ANKS1B: variants seen among roughly 807,000 people sequenced by gnomAD.
ANKS1B encodes the protein ankyrin repeat and sterile alpha motif domain-containing protein 1B.
Under a neutral mutation model 148.3 loss-of-function variants are expected in ANKS1B, and 36 were observed. That is an observed-to-expected ratio of 0.24 (90% CI 0.19 to 0.32). ANKS1B has a LOEUF of 0.32. ANKS1B is among the 10% of genes least tolerant of loss of function. The pLI is 1.00. For missense variants in ANKS1B, 1,157 were observed against 1,542.6 expected, an observed-to-expected ratio of 0.75 and a Z score of 4.19; for synonymous variants, 542 against 560.8, an observed-to-expected ratio of 0.97 and a Z score of 0.47.
At chr12:98,768,729 A>G (rs1168511843) in intron 25 of ANKS1B, among the ~76,000 whole-genome samples, 6 of 135,410 alleles carry the variant, frequency 4.4e-5, no homozygotes, top group East Asian at 2.1e-4. Context: ...GCGAGACTCC[A>G]TCTCAAAAAA....
rs76122504 is a variant in ANKS1B at position 99,904,745 on chromosome 12, A to C, written c.135-79356T>G. Among the ~76,000 whole-genome samples, 483 of 152,296 alleles carry C rather than the reference A, an allele frequency of 3.2e-3. 5 individuals are homozygous for C. Among genetic ancestry groups the C allele is most frequent in the African/African-American group, 0.011 (451 of 41,548 alleles). On this transcript the variant is annotated intron_variant, in intron 1 of 26. Transcript: ENST00000683438. ...CTCTGATTGAGTTGATCTGAGGTGGAATCTGGGACTCCATTTTTTTAAATG... is the reference window on the plus strand; with the variant it reads ...CTCTGATTGAGTTGATCTGAGGTGGCATCTGGGACTCCATTTTTTTAAATG...
At position 99,457,360 on chromosome 12, in the gene ANKS1B, C is replaced by T. The variant is rs1215935149; in HGVS notation, c.1439-13551G>A. Among the ~76,000 whole-genome samples, 2 of 150,846 alleles carry T rather than the reference C, an allele frequency of 1.3e-5. 1 individual carries two copies. The highest frequency in any genetic ancestry group is 3.0e-5 in the Non-Finnish European group (2 of 67,706). ...TCACAGGACCTATAAAACAACAACA[C>T]TATGAAAAAAAAACCAAGGTATTCA... On this transcript the variant is annotated intron_variant, in intron 10 of 26. Transcript: ENST00000683438.
chr12:99,602,769 T>C (rs941654397), intron 9 of ANKS1B, among the ~76,000 whole-genome samples: 3 of 152,072 alleles, frequency 2.0e-5, no homozygotes, highest in Non-Finnish European at 4.4e-5. Flanking sequence ...GGAGAAAAAT[T>C]AAAAATATTA....
At chr12:99,535,019 A>C (rs1446820315) in intron 9 of ANKS1B, among the ~76,000 whole-genome samples, 3 of 152,074 alleles carry the variant, frequency 2.0e-5, no homozygotes, top group Non-Finnish European at 4.4e-5. Context: ...CTTTTTAAAA[A>C]ATTAACGTGA....
rs117789079 is a variant in ANKS1B at position 99,282,900 on chromosome 12, C to T, written c.1757-36036G>A. ...TGAATACAACAGCTGCAGAGAGACT[C>T]AGGTTAGGAATATAAACTTTGGAGT... On this transcript the variant is annotated intron_variant, in intron 12 of 26. Coordinates refer to ENST00000683438, the MANE Select transcript of ANKS1B (RefSeq NM_001352186.2). 5.9e-4 allele frequency among the ~76,000 whole-genome samples: 89 copies of T among 152,132 alleles called. 1 individual carries two copies. The East Asian group carries it at 0.015, about 25-fold the overall frequency.
At chr12:99,634,519 G>A (rs986612022) in intron 9 of ANKS1B, among the ~76,000 whole-genome samples, 14 of 152,054 alleles carry the variant, frequency 9.2e-5, no homozygotes, top group African/African-American at 2.7e-4. Context: ...TCTATTTAAT[G>A]CATAAAAAGA....
intron 11 of ANKS1B, among the ~76,000 whole-genome samples, chr12:99,418,679 G>A: frequency 6.6e-6 from 1 of 152,138 alleles, no homozygotes; most frequent in East Asian, 1.9e-4. Context: ...CCAGCACTAT[G>A]TTGAGTGACA....
intron 14 of ANKS1B, 164 bp from the exon 15 acceptor site, chr12:99,154,559 CAA>C (rs1212758925): frequency 3.2e-5 from 50 of 1,544,422 alleles, no homozygotes; most frequent in East Asian, 4.6e-5. Flanking sequence ...AGCGAGAGAG[CAA>C]AGTCAGAAGT....
intron 12 of ANKS1B, among the ~76,000 whole-genome samples, chr12:99,348,831 C>T (rs2091067856): frequency 6.6e-6 from 1 of 151,870 alleles, no homozygotes; most frequent in African/African-American, 2.4e-5. Context: ...CACTAGACAA[C>T]AACTTGCAGC....
chr12:99,831,831 A>G (rs2084060505), intron 1 of ANKS1B, among the ~76,000 whole-genome samples: 1 of 152,194 alleles, frequency 6.6e-6, no homozygotes, highest in Non-Finnish European at 1.5e-5. Context: ...ATGGCTCAAT[A>G]TATGTGACAG....
intron 10 of ANKS1B, among the ~76,000 whole-genome samples, chr12:99,500,371 G>C (rs1176887710): frequency 1.3e-5 from 2 of 152,082 alleles, no homozygotes; most frequent in Admixed American, 1.3e-4. Context: ...AGTGCCTGGA[G>C]AGCAAAAAAG....
chr12:99,756,519 T>A (rs1431468541), intron 8 of ANKS1B, among the ~76,000 whole-genome samples: 1 of 151,996 alleles, frequency 6.6e-6, no homozygotes, highest in Admixed American at 6.6e-5. Flanking sequence ...CAATTTAGAT[T>A]CAATACTATT....
chr12:99,372,534 C>A (rs1251012185), intron 12 of ANKS1B, among the ~76,000 whole-genome samples: 1 of 152,032 alleles, frequency 6.6e-6, no homozygotes, highest in African/African-American at 2.4e-5. Flanking sequence ...AAATTCCTTT[C>A]TTTGTAAATG....
intron 12 of ANKS1B, among the ~76,000 whole-genome samples, chr12:99,349,783 T>TTTTATC (rs2091186833): frequency 6.6e-6 from 1 of 151,734 alleles, no homozygotes; most frequent in Admixed American, 6.6e-5. Context: ...ATACAGAAGG[T>TTTTATC]CAATAAGAAA....
At chr12:99,569,237 C>T (rs770990886) in intron 9 of ANKS1B, among the ~76,000 whole-genome samples, 2 of 152,290 alleles carry the variant, frequency 1.3e-5, no homozygotes, top group East Asian at 3.9e-4. Flanking sequence ...AATGGATGTG[C>T]TGTCTGGAGG....
chr12:99,148,889 A>G (rs2074055026), intron 15 of ANKS1B, among the ~76,000 whole-genome samples: 2 of 152,040 alleles, frequency 1.3e-5, no homozygotes, highest in Admixed American at 6.6e-5. Context: ...GGCTTAAATT[A>G]TTTTAGAAAA....
At chr12:99,713,609 A>G (rs2056922134) in intron 8 of ANKS1B, among the ~76,000 whole-genome samples, 1 of 152,186 alleles carries the variant, frequency 6.6e-6, no homozygotes, top group Non-Finnish European at 1.5e-5. Flanking sequence ...CCACCAAATA[A>G]CAAAGAACCC....
intron 8 of ANKS1B, among the ~76,000 whole-genome samples, chr12:99,768,271 T>TA (rs2062841564): frequency 6.6e-6 from 1 of 152,208 alleles, no homozygotes; most frequent in Non-Finnish European, 1.5e-5. Flanking sequence ...ACCAGTAATA[T>TA]AAATAACAGA....
At chr12:99,920,798 T>C (rs553613862) in intron 1 of ANKS1B, among the ~76,000 whole-genome samples, 1 of 152,104 alleles carries the variant, frequency 6.6e-6, no homozygotes, top group Admixed American at 6.5e-5. Flanking sequence ...AATTTGCCCT[T>C]CCTCCACTTT....
Sources: gnomAD v4.1 joint callset for allele counts (sites outside exome capture counted in the v4.1 genomes callset) on GRCh38, gnomAD v4.1.1 for gene constraint, MANE v1.5 for transcripts, NCBI Gene and HGNC (gene_info 2026-07-23, HGNC 2026-07-21) for gene names.